LRRC37A2: variants seen among roughly 807,000 people sequenced by gnomAD.
LRRC37A2 encodes leucine rich repeat containing 37 member A2, also known as leucine-rich repeat-containing protein 37A2.
In LRRC37A2, 9 loss-of-function variants were observed where a neutral mutation model predicts 68.8. That is an observed-to-expected ratio of 0.13 (90% CI 0.08 to 0.23). The LOEUF (loss-of-function observed/expected upper bound fraction) is 0.23, where lower values mean the gene tolerates loss of function less well. LRRC37A2 is among the 10% of genes least tolerant of loss of function. The pLI is 1.00. For missense variants in LRRC37A2, 168 were observed against 950.4 expected (o/e 0.18, Z 10.82); for synonymous variants, 63 against 367.6 (o/e 0.17, Z 9.48).
chr17:46,933,416 GTC>G, the LRRC37A2 span: 1 of 152,224 alleles, frequency 6.6e-6, no homozygotes, highest in Non-Finnish European at 1.5e-5. Flanking sequence ...CTGAAGAGAA[GTC>G]TCTGAGTCTT....
At chr17:46,844,618 G>C in the LRRC37A2 span, among the ~76,000 whole-genome samples, 7,248 of 152,200 alleles carry the variant, frequency 0.048, 588 homozygotes, top group African/African-American at 0.16. Context: ...ACTTCAAGAT[G>C]GGACCCCTTT....
At chr17:46,499,422 A>T in the LRRC37A2 span, among the ~76,000 whole-genome samples, 5 of 150,480 alleles carry the variant, frequency 3.3e-5, no homozygotes, top group Admixed American at 3.3e-4. Context: ...CTGAAAACGC[A>T]GGAGTCAACT....
the LRRC37A2 span, among the ~76,000 whole-genome samples, chr17:46,843,617 C>T: frequency 6.6e-6 from 1 of 152,218 alleles, no homozygotes; most frequent in Non-Finnish European, 1.5e-5. Flanking sequence ...TTGGTGCCAG[C>T]TCCCTGGGTT....
chr17:46,925,417 C>T, the LRRC37A2 span, among the ~76,000 whole-genome samples: 3 of 152,304 alleles, frequency 2.0e-5, no homozygotes, highest in African/African-American at 7.2e-5. Context: ...GCCCTGCCCT[C>T]GAGGAGTTTA....
the LRRC37A2 span, chr17:46,924,002 T>C: frequency 2.5e-6 from 1 of 396,900 alleles, no homozygotes; most frequent in Non-Finnish European, 4.4e-6. Context: ...TAAGATTTAC[T>C]GTTTTAACAA....
At chr17:46,896,784 GT>G in the LRRC37A2 span, among the ~76,000 whole-genome samples, 2 of 152,136 alleles carry the variant, frequency 1.3e-5, no homozygotes, top group African/African-American at 4.8e-5. Flanking sequence ...GCCACTCACT[GT>G]CCCCTATTCC....
At chr17:46,876,346 G>T in the LRRC37A2 span, 1 of 1,614,000 alleles carries the variant, frequency 6.2e-7, no homozygotes, top group Non-Finnish European at 8.5e-7. Flanking sequence ...TCCGTGAGAC[G>T]GGCCAGGTGC....
the LRRC37A2 span, chr17:46,931,548 C>G: frequency 5.4e-6 from 2 of 372,294 alleles, no homozygotes; most frequent in South Asian, 3.3e-5. Context: ...CTGCTGGGTT[C>G]TTCTTGGGTT....
chr17:46,775,960 G>A, the LRRC37A2 span, among the ~76,000 whole-genome samples: 9 of 152,150 alleles, frequency 5.9e-5, no homozygotes, highest in African/African-American at 1.4e-4. Flanking sequence ...TGATTTCCCC[G>A]GTGCCTGGCC....
At chr17:46,930,143 GGCT>G in the LRRC37A2 span, 1 of 154,464 alleles carries the variant, frequency 6.5e-6, no homozygotes, top group Non-Finnish European at 1.4e-5. Flanking sequence ...CCCACTGCTG[GGCT>G]CCCTCAGGAC....
the LRRC37A2 span, among the ~76,000 whole-genome samples, chr17:46,711,627 G>C: frequency 6.6e-6 from 1 of 152,184 alleles, no homozygotes; most frequent in African/African-American, 2.4e-5. Flanking sequence ...TGAAAGACCA[G>C]TTAGGATTTT....
At chr17:46,673,908 GGGGT>G in the LRRC37A2 span, among the ~76,000 whole-genome samples, 4 of 3,078 alleles carry the variant, frequency 1.3e-3, 1 homozygote, top group African/African-American at 1.5e-3. Flanking sequence ...GTATTCCATG[GGGGT>G]GTGTGTGTGT....
the LRRC37A2 span, among the ~76,000 whole-genome samples, chr17:46,924,652 T>C: frequency 6.6e-6 from 1 of 152,230 alleles, no homozygotes; most frequent in Non-Finnish European, 1.5e-5. Context: ...GGCGATGAGG[T>C]GTTTCATTTG....
At chr17:46,853,363 CTTTTTTTTTT>C in the LRRC37A2 span, among the ~76,000 whole-genome samples, 5 of 78,896 alleles carry the variant, frequency 6.3e-5, no homozygotes, top group East Asian at 5.0e-4. Context: ...ATGCTAGTGA[CTTTTTTTTTT>C]TTTTTTTTTT....
chr17:47,001,885 C>G, the LRRC37A2 span, among the ~76,000 whole-genome samples: 1,249 of 151,980 alleles, frequency 8.2e-3, 14 homozygotes, highest in African/African-American at 0.028. Flanking sequence ...CCACGCCCAG[C>G]TAATTTGTGT....
the LRRC37A2 span, among the ~76,000 whole-genome samples, chr17:46,501,066 T>G: frequency 6.6e-6 from 1 of 151,278 alleles, no homozygotes; most frequent in Admixed American, 6.6e-5. Context: ...CTTTTTAAAA[T>G]TTTTTTAGAG....
the LRRC37A2 span, among the ~76,000 whole-genome samples, chr17:46,501,695 A>G: frequency 6.6e-6 from 1 of 151,248 alleles, no homozygotes; most frequent in Non-Finnish European, 1.5e-5. Context: ...TCCCAGAGCC[A>G]CAGAATGATA....
At chr17:46,973,171 G>A in the LRRC37A2 span, 20 of 153,786 alleles carry the variant, frequency 1.3e-4, no homozygotes, top group Middle Eastern at 5.2e-4. Flanking sequence ...CTGGAATGCC[G>A]GATGAGGGCC....
At chr17:46,900,215 A>ACC in the LRRC37A2 span, among the ~76,000 whole-genome samples, 1 of 133,066 alleles carries the variant, frequency 7.5e-6, no homozygotes. Flanking sequence ...ACACACACAC[A>ACC]CACACATATA....
Sources: allele counts gnomAD v4.1 joint callset (sites outside exome capture counted in the v4.1 genomes callset), GRCh38; gene constraint gnomAD v4.1.1; transcripts MANE v1.5; gene names NCBI Gene and HGNC (gene_info 2026-07-23, HGNC 2026-07-21).